NRXN1: variants seen among roughly 807,000 people sequenced by gnomAD.
NRXN1 encodes the protein neurexin-1.
Under a neutral mutation model 150.9 loss-of-function variants are expected in NRXN1, and 39 were observed. The observed-to-expected ratio is 0.26, with a 90% CI of 0.20 to 0.34. The LOEUF is 0.34. Among genes scored for constraint, NRXN1 ranks in the 10% least tolerant of loss-of-function variants. The pLI is 1.00. For synonymous variants in NRXN1, 924 were observed against 757.0 expected (o/e 1.22, Z -3.62); for missense variants, 1,815 against 1,949.9 (o/e 0.93, Z 1.30).
At chr2:50,545,978 C>T (rs2093484293) in intron 9 of NRXN1, among the ~76,000 whole-genome samples, 1 of 152,058 alleles carries the variant, frequency 6.6e-6, no homozygotes, top group Non-Finnish European at 1.5e-5. Context: ...GAAAAAATGT[C>T]TGTATATATT....
rs1418828290 is a variant in NRXN1 at position 50,528,670 on chromosome 2, A to G, written c.2348-19T>C. The G allele has an allele frequency of 3.3e-6, 5 of 1,509,038 alleles. No homozygotes were observed. The South Asian group carries it at 6.0e-5, about 18-fold the overall frequency. The allele number at this position is 1,509,038 out of a possible 1,614,324, so 93.5% of individuals were successfully genotyped here. A position where few individuals can be genotyped will look rare whatever the true frequency, so the allele number is the denominator to read the frequency against. On this transcript the variant is annotated intron_variant, in intron 11 of 22. Coordinates refer to ENST00000401669, the MANE Select transcript of NRXN1 (RefSeq NM_001330078.2). ...ATACAATCTAGATGGGGAAGAATAG[A>G]TGAAAAATGAAAATTCATCCTTCAA...
intron 2 of NRXN1, among the ~76,000 whole-genome samples, chr2:50,969,211 G>A (rs542106260): frequency 2.8e-4 from 43 of 152,174 alleles, no homozygotes; most frequent in African/African-American, 9.6e-4. Context: ...ATTTTCTGCG[G>A]AGCACTAATC....
In NRXN1 at chr2:49,945,391, CTTT is replaced by C. The variant is rs200640344; in HGVS notation, c.4129-1603_4129-1601del. Among the ~76,000 whole-genome samples, 904 of 140,712 alleles carry C rather than the reference CTTT, an allele frequency of 6.4e-3. 3 individuals carry two copies. The highest frequency in any genetic ancestry group is 0.014 in the Admixed American group (201 of 14,088). 92.3% of individuals were successfully genotyped at this position (140,712 alleles called of 152,430 possible). A position where few individuals can be genotyped will look rare whatever the true frequency, so the allele number is the denominator to read the frequency against. On this transcript the variant is annotated intron_variant, in intron 21 of 22. Coordinates refer to ENST00000401669, the MANE Select transcript of NRXN1 (RefSeq NM_001330078.2). Reference sequence around the variant, plus strand: ...ATTTGATAATTTGTGGGGGTTTTCTCTTTTTTTTTTTTTATTATACTTTTAGTT... The same window carrying C: ...ATTTGATAATTTGTGGGGGTTTTCTCTTTTTTTTTTATTATACTTTTAGTT...
At chr2:50,924,995 T>C (rs1350159392) in intron 3 of NRXN1, among the ~76,000 whole-genome samples, 3 of 151,798 alleles carry the variant, frequency 2.0e-5, no homozygotes, top group East Asian at 3.9e-4. Flanking sequence ...TTTCAAAATA[T>C]GGTAGTAAAA....
intron 5 of NRXN1, among the ~76,000 whole-genome samples, chr2:50,664,058 A>G (rs1161013932): frequency 1.3e-5 from 2 of 152,010 alleles, no homozygotes; most frequent in African/African-American, 4.8e-5. Context: ...CTAGGAACAT[A>G]ATGCTGAACA....
rs1668196712 is a variant in NRXN1 at position 49,921,518 on chromosome 2, A to T, written c.*426T>A. On this transcript the variant is annotated 3_prime_UTR_variant, in exon 23 of 23. Coordinates refer to ENST00000401669, the MANE Select transcript of NRXN1 (RefSeq NM_001330078.2). ...ACAGTCTTCTCTGGCAATTGGACTG[A>T]CTTCTCAGGAAAGCGCTAGCACTTT... 1 of 160,996 alleles carries T rather than the reference A, an allele frequency of 6.2e-6. No individual in the cohort carries two copies. The highest frequency in any genetic ancestry group is 1.7e-4 in the South Asian group (1 of 5,722). The allele number at this position is 160,996 out of a possible 1,614,324, so 10.0% of individuals were successfully genotyped here.
At chr2:50,337,107 G>T (rs1177358435) in intron 17 of NRXN1, among the ~76,000 whole-genome samples, 1 of 147,276 alleles carries the variant, frequency 6.8e-6, no homozygotes, top group Non-Finnish European at 1.5e-5. Context: ...TTTTGAGACG[G>T]AGTTTAGCTC....
chr2:49,963,114 A>G (rs529905177), intron 21 of NRXN1, among the ~76,000 whole-genome samples: 9 of 152,306 alleles, frequency 5.9e-5, no homozygotes, highest in Non-Finnish European at 1.0e-4. Flanking sequence ...CTACCCCTAC[A>G]ATGTGTAATC....
intron 2 of NRXN1, among the ~76,000 whole-genome samples, chr2:50,959,859 A>G (rs533321405): frequency 3.1e-4 from 47 of 152,178 alleles, no homozygotes; most frequent in African/African-American, 9.6e-4. Flanking sequence ...AGCTCATGTA[A>G]ACATGCTGTT....
At chr2:49,989,637 G>C (rs1681574871) in intron 21 of NRXN1, among the ~76,000 whole-genome samples, 1 of 152,118 alleles carries the variant, frequency 6.6e-6, no homozygotes, top group Non-Finnish European at 1.5e-5. Context: ...AGGCTTATTC[G>C]GTGATTCTGG....
At chr2:50,054,826 G>A in intron 20 of NRXN1, 129 bp downstream of exon 20, 1 of 597,980 alleles carries the variant, frequency 1.7e-6, no homozygotes, top group Non-Finnish European at 2.8e-6. Context: ...ACATTTTACT[G>A]TTTTAAAGTT....
chr2:50,547,569 C>T (rs1337630424), intron 9 of NRXN1: 3 of 152,164 alleles, frequency 2.0e-5, no homozygotes, highest in Non-Finnish European at 4.4e-5. Context: ...ACAACAAAAA[C>T]GCTCAGCTGT....
intron 5 of NRXN1, among the ~76,000 whole-genome samples, chr2:50,829,154 G>A (rs1315130222): frequency 6.6e-6 from 1 of 152,164 alleles, no homozygotes; most frequent in Non-Finnish European, 1.5e-5. Context: ...AGGCAGGGAG[G>A]TTGCAGTGAG....
At chr2:50,807,580 C>A (rs1244134288) in intron 5 of NRXN1, among the ~76,000 whole-genome samples, 1 of 152,042 alleles carries the variant, frequency 6.6e-6, no homozygotes, top group African/African-American at 2.4e-5. Context: ...ACAGTGTTTC[C>A]CCAGCAGAAG....
At chr2:50,007,988 C>A (rs1685049856) in intron 21 of NRXN1, among the ~76,000 whole-genome samples, 1 of 152,142 alleles carries the variant, frequency 6.6e-6, no homozygotes, top group South Asian at 2.1e-4. Context: ...CCAGTCCTGG[C>A]TTTGTTATGA....
chr2:50,158,140 G>C (rs577813746), intron 18 of NRXN1, among the ~76,000 whole-genome samples: 26 of 149,264 alleles, frequency 1.7e-4, no homozygotes, highest in African/African-American at 6.4e-4. Flanking sequence ...AGGAATTAAA[G>C]GGTCACAAGA....
At position 50,038,120 on chromosome 2, in the gene NRXN1, G is replaced by A. The variant is rs114182970; in HGVS notation, c.4128+15151C>T. 8.0e-3 allele frequency among the ~76,000 whole-genome samples: 1,212 copies of A among 152,294 alleles called. 12 individuals are homozygous for A. The highest frequency in any genetic ancestry group is 0.031 in the East Asian group (159 of 5,180). On this transcript the variant is annotated intron_variant, in intron 21 of 22. Transcript: ENST00000401669. ...CTGAGGATAAAGAAACAGTGAGAGC[G>A]AATCTGTAGATAGTCTGGAAGGAGA... is the stretch of plus-strand genomic sequence containing the variant.
At chr2:50,985,592 G>A (rs190299823) in intron 2 of NRXN1, among the ~76,000 whole-genome samples, 2 of 151,684 alleles carry the variant, frequency 1.3e-5, no homozygotes, top group East Asian at 1.9e-4. Flanking sequence ...TAACTGAAAT[G>A]TACTACAATA....
intron 9 of NRXN1, among the ~76,000 whole-genome samples, chr2:50,541,171 C>CAT (rs1187644524): frequency 2.6e-5 from 4 of 152,194 alleles, no homozygotes; most frequent in Non-Finnish European, 4.4e-5. Context: ...TTCAAATATA[C>CAT]ATATATATAA....
Sources: allele counts gnomAD v4.1 joint callset (sites outside exome capture counted in the v4.1 genomes callset), GRCh38; gene constraint gnomAD v4.1.1; transcripts MANE v1.5; gene names NCBI Gene and HGNC (gene_info 2026-07-23, HGNC 2026-07-21).